PLEKHG4B: variants seen among roughly 807,000 people sequenced by gnomAD.
The protein encoded by PLEKHG4B is pleckstrin homology and RhoGEF domain containing G4B.
PLEKHG4B carries 111 observed loss-of-function variants against 121.3 expected under a neutral mutation model. That is an observed-to-expected ratio of 0.92 (90% CI 0.78 to 1.07). PLEKHG4B has a LOEUF of 1.07. Ranked by LOEUF, PLEKHG4B falls within the 50% of genes least tolerant of loss-of-function variation. The pLI is 0.00. For missense variants in PLEKHG4B, 1,831 were observed against 1,757.8 expected, an observed-to-expected ratio of 1.04 and a Z score of -0.74; for synonymous variants, 738 against 725.0, an observed-to-expected ratio of 1.02 and a Z score of -0.29.
chr5:158,611 G>A lies in PLEKHG4B; in HGVS notation c.2487+1700G>A, dbSNP rs148431734. ...CATCTTCCCCTCCTCGTTCTACTCC[G>A]TCCTTGGGGGGGTCTCCCCCATCTC... On this transcript the variant is annotated intron_variant, in intron 11 of 19. Transcript: ENST00000637938. Among the ~76,000 whole-genome samples, 286 of 81,514 alleles carry A rather than the reference G, an allele frequency of 3.5e-3. 2 individuals are homozygous for A. The highest frequency in any genetic ancestry group is 0.013 in the African/African-American group (262 of 20,264). The allele number at this position is 81,514 out of a possible 152,430, so 53.5% of individuals were successfully genotyped here.
At position 162,704 on chromosome 5, in the gene PLEKHG4B, G is replaced by A. The variant is rs758174018; in HGVS notation, c.2650-18G>A. On this transcript the variant is annotated intron_variant, in intron 12 of 19. Transcript: ENST00000637938. The stretch of plus-strand genomic sequence containing the variant: ...CCCCTCCTCCACTGCACTGAGCAGA[G>A]CCCTCCTTGTCCCACAGGTGAGCAG... The A allele has an allele frequency of 1.1e-5, 16 of 1,440,292 alleles. No homozygotes were observed. The highest frequency in any genetic ancestry group is 1.4e-5 in the Non-Finnish European group (15 of 1,094,558). 89.2% of individuals were successfully genotyped at this position (1,440,292 alleles called of 1,614,324 possible).
Position 171,427 on chromosome 5 carries a change from G to A in PLEKHG4B, c.4033G>A (p.Ala1345Thr). ...RHGNDLLAMD[A>T]IRGCDVNLKE... ...CGGCAATGACCTGCTGGCCATGGAC[G>A]CCATCCGCGGCTGTGACGTAAGTGC... Residue 1345 changes from alanine to threonine, a missense_variant, in exon 16 of 20, where the codon GCC becomes ACC. Transcript: ENST00000637938. 1 of 1,597,198 alleles carries A rather than the reference G, an allele frequency of 6.3e-7. No homozygotes were observed. The highest frequency in any genetic ancestry group is 2.2e-5 in the East Asian group (1 of 44,584).
chr5:99,423 G>A lies in PLEKHG4B; in HGVS notation c.45+7147G>A, dbSNP rs1163573037. On this transcript the variant is annotated intron_variant, in intron 1 of 19. Transcript: ENST00000637938. ...TGTTTTCTTTAATTTCTTCAGCAAT[G>A]TTTTGTAGTTTTCAGCAAGCAAGTC... Among the ~76,000 whole-genome samples the A allele has an allele frequency of 2.0e-5, 3 of 151,592 alleles. No homozygotes were observed. The East Asian group carries it at 5.8e-4, about 29-fold the overall frequency.
intron 2 of PLEKHG4B, among the ~76,000 whole-genome samples, chr5:129,890 T>C (rs929759319): frequency 2.6e-5 from 4 of 152,078 alleles, no homozygotes; most frequent in African/African-American, 9.7e-5. Context: ...ATCAAAGGAA[T>C]GTACAACTTA....
At chr5:99,203 TA>T in intron 1 of PLEKHG4B, among the ~76,000 whole-genome samples, 2 of 136,230 alleles carry the variant, frequency 1.5e-5, no homozygotes, top group African/African-American at 2.8e-5. Flanking sequence ...TATATATATA[TA>T]TATATATATT....
At chr5:161,724 C>A in intron 11 of PLEKHG4B, 59 bp from the exon 12 acceptor site, 1 of 1,611,340 alleles carries the variant, frequency 6.2e-7, no homozygotes, top group Non-Finnish European at 8.5e-7. Context: ...CAGCCCACAC[C>A]TGGAGACATG....
Position 156,767 on chromosome 5 carries a change from C to T in PLEKHG4B, c.2349-6C>T, listed in dbSNP as rs765838603. ...GGAAGCCTGAGGACTGCCTTCTCTT[C>T]CTCAGGGACACCCTGGAGGCCGCCA... On this transcript the variant is annotated splice_region_variant and splice_polypyrimidine_tract_variant and intron_variant, in intron 10 of 19. Coordinates refer to ENST00000637938, the MANE Select transcript of PLEKHG4B (RefSeq NM_052909.5). This position sits in a 1 kb window ranked among gnomAD's most constrained non-coding sequence, Gnocchi z 4.4. 32 of 1,549,058 alleles carry T rather than the reference C, an allele frequency of 2.1e-5. No individual in the cohort carries two copies. The highest frequency in any genetic ancestry group is 2.7e-5 in the Non-Finnish European group (31 of 1,145,602).
At chr5:178,183 C>T (rs1023484871) in intron 18 of PLEKHG4B, among the ~76,000 whole-genome samples, 1 of 152,238 alleles carries the variant, frequency 6.6e-6, no homozygotes, top group African/African-American at 2.4e-5. Context: ...CTTCTCCTGG[C>T]ACCTGCCTTC....
chr5:170,700 A>G (rs530657554), intron 14 of PLEKHG4B, among the ~76,000 whole-genome samples: 2 of 152,266 alleles, frequency 1.3e-5, no homozygotes, highest in East Asian at 1.9e-4. Flanking sequence ...GCTCTTGGCC[A>G]TGGACCAAAT....
intron 12 of PLEKHG4B, 120 bp from the exon 13 acceptor site, chr5:162,602 C>A: frequency 1.4e-6 from 1 of 719,266 alleles, no homozygotes; most frequent in Non-Finnish European, 2.0e-6. Flanking sequence ...GACTGCCTCT[C>A]GCTCTGCTTT....
At chr5:173,866 G>C in intron 17 of PLEKHG4B, 52 bp from the exon 18 acceptor site, 1 of 1,581,558 alleles carries the variant, frequency 6.3e-7, no homozygotes, top group Non-Finnish European at 8.6e-7. Context: ...GTAGCCAGTT[G>C]TTCAGAGACC....
At chr5:153,573 C>G (rs1167420887) in intron 7 of PLEKHG4B, among the ~76,000 whole-genome samples, 1 of 152,238 alleles carries the variant, frequency 6.6e-6, no homozygotes, top group African/African-American at 2.4e-5. Flanking sequence ...ACAGCTGCCG[C>G]CTTCTGGGAA....
rs1735011611 is a variant in PLEKHG4B, at chr5:137,309, A to G, written c.244-2174A>G. Among the ~76,000 whole-genome samples the G allele has an allele frequency of 6.6e-6, 1 of 152,194 alleles. No homozygotes were observed. Among genetic ancestry groups the G allele is most frequent in the South Asian group, 2.1e-4 (1 of 4,820 alleles). On this transcript the variant is annotated intron_variant, in intron 2 of 19. Transcript: ENST00000637938. This position sits in a 1 kb window ranked among gnomAD's most constrained non-coding sequence, Gnocchi z 4.2. ...GGGTTCACCGTTTCAGTTTGGGAAG[A>G]TGGAAAGTTCTGGAGATGGTGGTGA...
At chr5:181,782 T>C in intron 19 of PLEKHG4B, 107 bp downstream of exon 19, 1 of 1,452,812 alleles carries the variant, frequency 6.9e-7, no homozygotes, top group Non-Finnish European at 9.3e-7. Flanking sequence ...GCCCACAGAG[T>C]GCACCAGGCC....
chr5:129,879 C>A (rs1190727578), intron 2 of PLEKHG4B, among the ~76,000 whole-genome samples: 1 of 152,054 alleles, frequency 6.6e-6, no homozygotes, highest in Non-Finnish European at 1.5e-5. Context: ...CAGCTGGAGG[C>A]ATCAAAGGAA....
At chr5:104,562 G>A (rs7723155) in intron 1 of PLEKHG4B, among the ~76,000 whole-genome samples, 27,979 of 152,138 alleles carry the variant, frequency 0.18, 3,593 homozygotes, top group African/African-American at 0.36. Flanking sequence ...TTTCTTCATC[G>A]CAATAGATAA....
intron 6 of PLEKHG4B, among the ~76,000 whole-genome samples, chr5:145,212 C>T (rs1195438352): frequency 6.6e-6 from 1 of 152,238 alleles, no homozygotes; most frequent in East Asian, 1.9e-4. Context: ...CAAAGCCAGC[C>T]AGGCCCGGGT....
rs1735835770 is a variant in PLEKHG4B at position 157,673 on chromosome 5, C to A, written c.2487+762C>A. ...GATGCTGCTGCCTCATTTTGATGCC[C>A]CTCTGGGCCTGACAGTTTAAGGGGT... On this transcript the variant is annotated intron_variant, in intron 11 of 19. Transcript: ENST00000637938. This position sits in a 1 kb window ranked among gnomAD's most constrained non-coding sequence, Gnocchi z 4.6. Among the ~76,000 whole-genome samples, 1 of 152,126 alleles carries A rather than the reference C, an allele frequency of 6.6e-6. No individual in the cohort carries two copies. The highest frequency in any genetic ancestry group is 2.4e-5 in the African/African-American group (1 of 41,428).
In PLEKHG4B at chr5:94,715, C is replaced by T. The variant is rs112059812; in HGVS notation, c.45+2439C>T. Among the ~76,000 whole-genome samples the T allele has an allele frequency of 3.4e-3, 523 of 151,930 alleles. 3 individuals are homozygous for T. The highest frequency in any genetic ancestry group is 0.012 in the African/African-American group (480 of 41,380). On this transcript the variant is annotated intron_variant, in intron 1 of 19. Coordinates refer to ENST00000637938, the MANE Select transcript of PLEKHG4B (RefSeq NM_052909.5). ...TTCCCTTTACCTTATGGGGGGCTCT[C>T]GGGGAGGTGTCTGTGAAGTGGGTAA... is the stretch of plus-strand genomic sequence containing the variant.
Sources: gnomAD v4.1 joint callset for allele counts (sites outside exome capture counted in the v4.1 genomes callset) on GRCh38, gnomAD v4.1.1 for gene constraint, Gnocchi (gnomAD v3.1) non-coding constraint, MANE v1.5 for transcripts, NCBI Gene and HGNC (gene_info 2026-07-23, HGNC 2026-07-21) for gene names.